Variants in KAZN observed in about 807,000 individuals in gnomAD.
KAZN encodes the protein kazrin, periplakin interacting protein.
A neutral mutation model predicts 87.4 loss-of-function variants in KAZN; 40 were observed. That is an observed-to-expected ratio of 0.46 (90% confidence interval 0.36 to 0.60). KAZN has a LOEUF of 0.60. Among genes scored for constraint, KAZN ranks in the 20% least tolerant of loss-of-function variants. The pLI is 0.00. For synonymous variants in KAZN, 466 were observed against 458.3 expected, an observed-to-expected ratio of 1.02 and a Z score of -0.22; for missense variants, 898 against 1,073.9, an observed-to-expected ratio of 0.84 and a Z score of 2.29.
chr1:15,038,607 A>G (rs1672579040), intron 3 of KAZN, among the ~76,000 whole-genome samples: 1 of 152,104 alleles, frequency 6.6e-6, no homozygotes, highest in South Asian at 2.1e-4. Flanking sequence ...TTGTGCACCT[A>G]CTATATACAG....
chr1:14,898,516 G>T (rs931523540), intron 1 of KAZN, among the ~76,000 whole-genome samples: 1 of 152,186 alleles, frequency 6.6e-6, no homozygotes, highest in Non-Finnish European at 1.5e-5. Context: ...ATGACATCAG[G>T]AAGTCAGGGC....
chr1:14,822,353 G>GCGGGAGAAAGT, intron 1 of KAZN, among the ~76,000 whole-genome samples: 1 of 151,726 alleles, frequency 6.6e-6, no homozygotes, highest in South Asian at 2.1e-4. Context: ...ACAAAAGCAG[G>GCGGGAGAAAGT]AGGGAGAAAA....
At chr1:14,012,608 C>T (rs1640366841) in intron 1 of KAZN, among the ~76,000 whole-genome samples, 1 of 152,128 alleles carries the variant, frequency 6.6e-6, no homozygotes, top group African/African-American at 2.4e-5. Flanking sequence ...AGTTCAAGAC[C>T]TGCCTGGCCA....
intron 1 of KAZN, among the ~76,000 whole-genome samples, chr1:14,916,170 C>CT (rs71307000): frequency 0.17 from 19,529 of 112,522 alleles, 2,581 homozygotes; most frequent in East Asian, 0.26. Flanking sequence ...CACTGTTGTT[C>CT]TTTTTTTTTT....
At chr1:14,733,370 C>T (rs763792494) in intron 1 of KAZN, among the ~76,000 whole-genome samples, 22 of 152,180 alleles carry the variant, frequency 1.4e-4, no homozygotes, top group Non-Finnish European at 2.5e-4. Context: ...GAAATGGGAA[C>T]AGAGAAGTTC....
intron 1 of KAZN, among the ~76,000 whole-genome samples, chr1:14,676,958 T>A (rs974616731): frequency 6.6e-6 from 1 of 152,188 alleles, no homozygotes; most frequent in Non-Finnish European, 1.5e-5. Flanking sequence ...GGTATAAGTA[T>A]TATATCACAA....
chr1:14,879,506 C>A (rs1557582375), intron 1 of KAZN, among the ~76,000 whole-genome samples: 1 of 152,140 alleles, frequency 6.6e-6, no homozygotes, highest in South Asian at 2.1e-4. Context: ...TGCCAGCCAG[C>A]CAAAGCAAAA....
intron 3 of KAZN, among the ~76,000 whole-genome samples, chr1:15,039,405 A>C (rs1217760795): frequency 6.6e-6 from 1 of 152,092 alleles, no homozygotes; most frequent in Non-Finnish European, 1.5e-5. Flanking sequence ...CACTCAGTGC[A>C]TGTTCAGAGG....
In KAZN at chr1:14,843,259, T is replaced by A. The variant is rs539508514; in HGVS notation, c.227-117425T>A. ...TGTGTGGGGTCAAAGGGAGAGAGAA[T>A]CCAGAAAAGAAACAAATAAAGGTTT... On this transcript the variant is annotated intron_variant, in intron 1 of 14. Coordinates refer to ENST00000376030, the MANE Select transcript of KAZN (RefSeq NM_201628.3). Among the ~76,000 whole-genome samples, 3 of 151,914 alleles carry A rather than the reference T, an allele frequency of 2.0e-5. No homozygotes were observed. The East Asian group carries it at 5.8e-4, about 29-fold the overall frequency.
intron 1 of KAZN, among the ~76,000 whole-genome samples, chr1:14,013,323 C>A (rs1640408751): frequency 6.6e-6 from 1 of 152,170 alleles, no homozygotes; most frequent in Non-Finnish European, 1.5e-5. Flanking sequence ...GTTCCTCGAT[C>A]TAGGTTTTGT....
chr1:14,688,027 A>C (rs1156325893), intron 1 of KAZN, among the ~76,000 whole-genome samples: 8 of 152,096 alleles, frequency 5.3e-5, no homozygotes, highest in Admixed American at 5.2e-4. Flanking sequence ...CCCAGCATGC[A>C]CTTCTGATAT....
intron 1 of KAZN, among the ~76,000 whole-genome samples, chr1:14,643,838 T>C (rs894122155): frequency 4.6e-5 from 7 of 152,142 alleles, no homozygotes; most frequent in Admixed American, 3.9e-4. Flanking sequence ...TGTTATATTT[T>C]TACTTTTTAA....
In KAZN at chr1:15,094,788, C is replaced by T. The variant is rs533974137; in HGVS notation, c.1429-27C>T. On this transcript the variant is annotated intron_variant, in intron 9 of 14. Transcript: ENST00000376030. The surrounding 1 kb of genome is among the most constrained non-coding windows in gnomAD (Gnocchi z 4.5). ...ACCCCGCCGGCAGCTGTCCCAGCCC[C>T]CATATGACACTCCCTCCCGGGGGCA... The T allele has an allele frequency of 3.3e-6, 5 of 1,522,848 alleles. No homozygotes were observed. In the African/African-American group the frequency reaches 6.9e-5, roughly 21 times the overall value. 94.3% of individuals were successfully genotyped at this position (1,522,848 alleles called of 1,614,324 possible). A position where few individuals can be genotyped will look rare whatever the true frequency, so the allele number is the denominator to read the frequency against.
chr1:14,837,123 AAGAT>A (rs932131330), intron 1 of KAZN, among the ~76,000 whole-genome samples: 55 of 152,316 alleles, frequency 3.6e-4, no homozygotes, highest in African/African-American at 1.3e-3. Context: ...AATTTTTAGA[AAGAT>A]CTCATAGGTA....
At chr1:14,091,669 A>T (rs1365870757) in intron 1 of KAZN, among the ~76,000 whole-genome samples, 2 of 152,214 alleles carry the variant, frequency 1.3e-5, no homozygotes, top group Admixed American at 1.3e-4. Flanking sequence ...CTCTATTTCA[A>T]TGATTCATAA....
At chr1:14,444,856 G>T (rs543513935) in intron 2 of KAZN, among the ~76,000 whole-genome samples, 10 of 152,174 alleles carry the variant, frequency 6.6e-5, no homozygotes, top group African/African-American at 2.4e-4. Flanking sequence ...AAAACATTAG[G>T]TTTTAGTTAC....
intron 2 of KAZN, among the ~76,000 whole-genome samples, chr1:14,185,461 A>T (rs1389538571): frequency 6.6e-6 from 1 of 152,232 alleles, no homozygotes; most frequent in Non-Finnish European, 1.5e-5. Context: ...GTCTTAGCAC[A>T]TCCCCTGAAA....
At chr1:14,012,224 GCCC>G (rs1640347427) in intron 1 of KAZN, among the ~76,000 whole-genome samples, 1 of 152,142 alleles carries the variant, frequency 6.6e-6, no homozygotes. Context: ...CAGGAGCTGT[GCCC>G]CATTTTGAAA....
intron 2 of KAZN, among the ~76,000 whole-genome samples, chr1:14,336,166 A>T (rs1268278186): frequency 6.6e-6 from 1 of 152,216 alleles, no homozygotes; most frequent in Non-Finnish European, 1.5e-5. Context: ...GAGGCTACTA[A>T]TCTGTCTCTA....
Sources: gnomAD v4.1 joint callset for allele counts (sites outside exome capture counted in the v4.1 genomes callset) on GRCh38, gnomAD v4.1.1 for gene constraint, Gnocchi (gnomAD v3.1) non-coding constraint, MANE v1.5 for transcripts, NCBI Gene and HGNC (gene_info 2026-07-23, HGNC 2026-07-21) for gene names.